The following MYH10 variants were observed in gnomAD, a reference collection of about 807,000 sequenced individuals.
MYH10 encodes the protein myosin-10.
In MYH10, 55 loss-of-function variants were observed where a neutral mutation model predicts 257.8. The ratio of observed to expected loss-of-function variants is 0.21; its 90% CI spans 0.17 to 0.27. The LOEUF is 0.27. Among genes scored for constraint, MYH10 ranks in the 10% least tolerant of loss-of-function variants. The probability of loss-of-function intolerance (pLI) is 1.00; values close to 1 mark genes in which losing one functional copy is unlikely to be tolerated. For missense variants in MYH10, 1,631 were observed against 2,500.6 expected, an observed-to-expected ratio of 0.65 and a Z score of 7.42; for synonymous variants, 854 against 921.7, an observed-to-expected ratio of 0.93 and a Z score of 1.33.
intron 21 of MYH10, among the ~76,000 whole-genome samples, chr17:8,516,837 A>C (rs2081482280): frequency 6.6e-6 from 1 of 152,162 alleles, no homozygotes; most frequent in African/African-American, 2.4e-5. Flanking sequence ...TAGTATCTAA[A>C]TATTAGTATA....
intron 40 of MYH10, 79 bp downstream of exon 40, chr17:8,480,031 C>A (rs1326614186): frequency 6.9e-7 from 1 of 1,455,576 alleles, no homozygotes. Flanking sequence ...GGGGAGCCCC[C>A]CCGAAAGGGG....
intron 30 of MYH10, among the ~76,000 whole-genome samples, chr17:8,498,376 A>G (rs543851810): frequency 2.4e-4 from 36 of 152,302 alleles, no homozygotes; most frequent in African/African-American, 8.4e-4. Flanking sequence ...GTGGATACTG[A>G]GGGCTGACTG....
chr17:8,511,812 C>G (rs973668972), intron 24 of MYH10, among the ~76,000 whole-genome samples: 1 of 152,202 alleles, frequency 6.6e-6, no homozygotes, highest in Non-Finnish European at 1.5e-5. Flanking sequence ...GTGCCTCCAC[C>G]TGCTCCCTTC....
chr17:8,584,958 T>C (rs1227920085), intron 4 of MYH10, among the ~76,000 whole-genome samples: 14 of 152,036 alleles, frequency 9.2e-5, no homozygotes, highest in African/African-American at 3.1e-4. Context: ...ATTCTTCTGC[T>C]TCAGCCTCTC....
At chr17:8,608,773 C>T (rs981609515) in intron 2 of MYH10, among the ~76,000 whole-genome samples, 2 of 152,152 alleles carry the variant, frequency 1.3e-5, no homozygotes, top group African/African-American at 4.8e-5. Flanking sequence ...GACCACTCTG[C>T]CTGGAATGCC....
At chr17:8,527,682 T>C (rs1013968451) in intron 17 of MYH10, among the ~76,000 whole-genome samples, 2 of 152,164 alleles carry the variant, frequency 1.3e-5, no homozygotes, top group Non-Finnish European at 2.9e-5. Flanking sequence ...ACACCACACA[T>C]TCAGGCACTC....
At chr17:8,609,005 G>A (rs540122425) in intron 2 of MYH10, among the ~76,000 whole-genome samples, 59 of 152,244 alleles carry the variant, frequency 3.9e-4, no homozygotes, top group African/African-American at 1.4e-3. Flanking sequence ...TAGAGACGGG[G>A]TTTCACTGTG....
At chr17:8,481,279 T>C (rs1302162242) in intron 38 of MYH10, 43 bp downstream of exon 38, 4 of 1,590,236 alleles carry the variant, frequency 2.5e-6, no homozygotes, top group Non-Finnish European at 1.7e-6. Context: ...GCAGTGCGCG[T>C]GCCTGAGGGC....
At chr17:8,525,664 T>C (rs1567848221) in intron 17 of MYH10, among the ~76,000 whole-genome samples, 1 of 152,216 alleles carries the variant, frequency 6.6e-6, no homozygotes, top group Admixed American at 6.5e-5. Context: ...GTGTTGTGTG[T>C]GTGGTTTTTT....
At chr17:8,529,221 C>T (rs573948096) in intron 17 of MYH10, among the ~76,000 whole-genome samples, 1 of 152,278 alleles carries the variant, frequency 6.6e-6, no homozygotes, top group South Asian at 2.1e-4. Context: ...GTGGGGTCGC[C>T]ACCCCCTATC....
At chr17:8,500,761 A>G (rs964304838) in intron 29 of MYH10, 65 bp downstream of exon 29, 31 of 1,563,100 alleles carry the variant, frequency 2.0e-5, no homozygotes, top group Non-Finnish European at 2.4e-5. Context: ...ACGGGCAGAT[A>G]GGATGGGAGT....
intron 2 of MYH10, among the ~76,000 whole-genome samples, chr17:8,613,600 C>G (rs1045554503): frequency 6.6e-6 from 1 of 151,684 alleles, no homozygotes; most frequent in African/African-American, 2.4e-5. Context: ...ACAGCTAACA[C>G]GAGGTGAAAA....
intron 6 of MYH10, among the ~76,000 whole-genome samples, chr17:8,575,621 T>C (rs922927634): frequency 6.6e-6 from 1 of 152,232 alleles, no homozygotes; most frequent in Admixed American, 6.5e-5. Context: ...TCTCAGTGTC[T>C]ATGACAATTC....
intron 32 of MYH10, 109 bp downstream of exon 32, chr17:8,493,624 G>A (rs1476355667): frequency 6.3e-6 from 8 of 1,261,572 alleles, no homozygotes; most frequent in Admixed American, 5.5e-5. Context: ...AATTTAGTAC[G>A]ACCTAATTAA....
chr17:8,478,165 CCCT>C (rs1324447038), intron 41 of MYH10, 170 bp downstream of exon 41: 4 of 619,648 alleles, frequency 6.5e-6, no homozygotes, highest in Non-Finnish European at 1.1e-5. Context: ...GCTCTCCCCG[CCCT>C]CCTGTGTCTC....
rs1471135045 is a variant in MYH10 at position 8,585,175 on chromosome 17, A to ATG, written c.530+3904_530+3905dup. On this transcript the variant is annotated intron_variant, in intron 4 of 42. Transcript: ENST00000360416. ...TCTTTTGGTCGTACTACATATATAT[A>ATG]TGTGTGTGTGTGTGTATATTATATA... 2.8e-3 allele frequency among the ~76,000 whole-genome samples: 410 copies of ATG among 145,174 alleles called. 1 individual carries two copies. Among genetic ancestry groups the ATG allele is most frequent in the Non-Finnish European group, 4.7e-3 (313 of 66,628 alleles).
chr17:8,577,225 C>T lies in MYH10; in HGVS notation c.633+11G>A. 3 of 1,582,216 alleles carry T rather than the reference C, an allele frequency of 1.9e-6. No homozygotes were observed. The highest frequency in any genetic ancestry group is 2.6e-6 in the Non-Finnish European group (3 of 1,156,464). ...GAAGAAGATTTAAAAAACAACAGAG[C>T]AGAAACTTACAGGAATATTATGGTC... On this transcript the variant is annotated intron_variant, in intron 5 of 42. Coordinates refer to ENST00000360416, the MANE Select transcript of MYH10 (RefSeq NM_001256012.3).
chr17:8,493,943 A>G, intron 31 of MYH10, 58 bp from the exon 32 acceptor site: 2 of 1,540,494 alleles, frequency 1.3e-6, no homozygotes, highest in Non-Finnish European at 1.7e-6. Flanking sequence ...AAACAAATAC[A>G]CCTGTATTAA....
chr17:8,509,081 C>T (rs984473389), intron 25 of MYH10, among the ~76,000 whole-genome samples: 10 of 152,190 alleles, frequency 6.6e-5, no homozygotes, highest in African/African-American at 1.2e-4. Flanking sequence ...CTGCAAGCTC[C>T]GTTCATGGTG....
Sources: allele counts gnomAD v4.1 joint callset (sites outside exome capture counted in the v4.1 genomes callset), GRCh38; gene constraint gnomAD v4.1.1; transcripts MANE v1.5; gene names NCBI Gene and HGNC (gene_info 2026-07-23, HGNC 2026-07-21).